The following DDR2 variants were observed in gnomAD, a reference collection of about 807,000 sequenced individuals.
DDR2 encodes the protein discoidin domain receptor tyrosine kinase 2.
A neutral mutation model predicts 94.9 loss-of-function variants in DDR2; 27 were observed. That is an observed-to-expected ratio of 0.28 (90% CI 0.21 to 0.39). DDR2 has a LOEUF of 0.39. Ranked by LOEUF, DDR2 falls within the 10% of genes least tolerant of loss-of-function variation. The probability of loss-of-function intolerance (pLI) is 1.00; values close to 1 mark genes in which losing one functional copy is unlikely to be tolerated. For synonymous variants in DDR2, 382 were observed against 377.2 expected, an observed-to-expected ratio of 1.01 and a Z score of -0.15; for missense variants, 783 against 1,076.0, an observed-to-expected ratio of 0.73 and a Z score of 3.81.
Position 162,759,815 on chromosome 1 carries a change from C to A in DDR2, c.691C>A (p.Gln231Lys), listed in dbSNP as rs760194869. 39 of 1,614,092 alleles carry A rather than the reference C, an allele frequency of 2.4e-5. No individual in the cohort carries two copies. The highest frequency in any genetic ancestry group is 3.2e-5 in the Non-Finnish European group (38 of 1,180,022). ...VGYSMTEGLG[Q>K]LTDGVSGLDD... ...GAGCAGCATGACAGAAGGGCTAGGCCAATTGACCGATGGTGTGTCTGGCCT... is the reference window on the plus strand; with the variant it reads ...GAGCAGCATGACAGAAGGGCTAGGCAAATTGACCGATGGTGTGTCTGGCCT... Residue 231 changes from glutamine (Q) to lysine (K), a missense_variant, in exon 8 of 18, where the codon CAA (glutamine) becomes AAA (lysine). Around this residue, in one of 2 missense-constraint regions of DDR2, gnomAD observed 519 missense variants for 647.9 expected, o/e 0.80. Transcript: ENST00000367921.
intron 2 of DDR2, among the ~76,000 whole-genome samples, chr1:162,674,720 A>G (rs879692786): frequency 2.0e-5 from 3 of 152,240 alleles, no homozygotes; most frequent in Non-Finnish European, 4.4e-5. Flanking sequence ...ACCTGCTAGT[A>G]TAAAGATCAA....
In DDR2 at chr1:162,786,896, G is replaced by A. The variant is rs918412953; in HGVS notation, c.*6650G>A. Reference sequence around the variant, plus strand: ...TAACTGGTGATCCCTTATCGTTATGGTTACAGACTTGTCTTGTTTGATACA... The same window carrying A: ...TAACTGGTGATCCCTTATCGTTATGATTACAGACTTGTCTTGTTTGATACA... On this transcript the variant is annotated 3_prime_UTR_variant, in exon 18 of 18. Coordinates refer to ENST00000367921, the MANE Select transcript of DDR2 (RefSeq NM_006182.4). The A allele has an allele frequency of 2.6e-5, 4 of 152,104 alleles. No homozygotes were observed. The highest frequency in any genetic ancestry group is 4.4e-5 in the Non-Finnish European group (3 of 68,018). The allele number at this position is 152,104 out of a possible 1,614,324, so 9.4% of individuals were successfully genotyped here. A position where few individuals can be genotyped will look rare whatever the true frequency, so the allele number is the denominator to read the frequency against.
At chr1:162,745,265 C>CGG (rs1662793904) in intron 3 of DDR2, among the ~76,000 whole-genome samples, 2 of 152,256 alleles carry the variant, frequency 1.3e-5, no homozygotes, top group South Asian at 4.1e-4. Flanking sequence ...CAAATATTTT[C>CGG]TCTCATTCCA....
chr1:162,734,493 A>G (rs1662203665), intron 3 of DDR2, among the ~76,000 whole-genome samples: 1 of 152,264 alleles, frequency 6.6e-6, no homozygotes, highest in Non-Finnish European at 1.5e-5. Context: ...ACAATTATTT[A>G]CATTACAAGT....
intron 2 of DDR2, among the ~76,000 whole-genome samples, chr1:162,701,790 G>A (rs1459132213): frequency 6.6e-6 from 1 of 152,178 alleles, no homozygotes; most frequent in Non-Finnish European, 1.5e-5. Context: ...ATGAAAATCT[G>A]CCTCTCTGTA....
chr1:162,738,989 T>C (rs1402010532), intron 3 of DDR2, among the ~76,000 whole-genome samples: 2 of 57,302 alleles, frequency 3.5e-5, no homozygotes, highest in Non-Finnish European at 7.8e-5. Context: ...ACGTTAGACC[T>C]AAAACCATAA....
At chr1:162,737,516 C>T (rs1198217677) in intron 3 of DDR2, among the ~76,000 whole-genome samples, 2 of 134,846 alleles carry the variant, frequency 1.5e-5, no homozygotes, top group Non-Finnish European at 3.2e-5. Context: ...GCATAGTATT[C>T]CATGGTGTAT....
Position 162,780,286 on chromosome 1 carries a change from T to G in DDR2, c.*40T>G, listed in dbSNP as rs1647826344. 6.2e-7 allele frequency: 1 copy of G among 1,613,196 alleles called. No individual in the cohort carries two copies. The highest frequency in any genetic ancestry group is 8.5e-7 in the Non-Finnish European group (1 of 1,179,662). On this transcript the variant is annotated 3_prime_UTR_variant, in exon 18 of 18. Transcript: ENST00000367921. ...GGCCATGTTCCTACGGCTCAGGTCC[T>G]CCCTACAAGACCTACCACTCACCCA...
At chr1:162,631,020 C>G (rs1351485384), upstream of DDR2, among the ~76,000 whole-genome samples, 2 of 152,006 alleles carry the variant, frequency 1.3e-5, no homozygotes, top group Non-Finnish European at 2.9e-5. Context: ...CCATGGCTGC[C>G]CTCTGAACCA....
rs1648189118 is a variant in DDR2 at position 162,787,331 on chromosome 1, G to A, written c.*7085G>A. 6.6e-6 allele frequency: 1 copy of A among 150,598 alleles called. No individual in the cohort carries two copies. Among genetic ancestry groups the A allele is most frequent in the Non-Finnish European group, 1.5e-5 (1 of 67,686 alleles). 9.3% of individuals were successfully genotyped at this position (150,598 alleles called of 1,614,324 possible). A position where few individuals can be genotyped will look rare whatever the true frequency, so the allele number is the denominator to read the frequency against. On this transcript the variant is annotated 3_prime_UTR_variant, in exon 18 of 18. Transcript: ENST00000367921. ...TCATCAATAAAAACATATTATGATG[G>A]TTATCAAGCTGTGTCCTATGAGTGA...
intron 2 of DDR2, among the ~76,000 whole-genome samples, chr1:162,709,431 C>T (rs1294709842): frequency 6.6e-6 from 1 of 152,230 alleles, no homozygotes; most frequent in South Asian, 2.1e-4. Context: ...TGCCTGTGAG[C>T]AGCTGCTGCC....
intron 3 of DDR2, among the ~76,000 whole-genome samples, chr1:162,747,736 AG>A (rs1438829369): frequency 1.3e-5 from 2 of 152,228 alleles, no homozygotes; most frequent in Non-Finnish European, 2.9e-5. Context: ...AAAAACGTTA[AG>A]GGTAGCCAGA....
At chr1:162,645,201 C>T (rs939868411) in intron 1 of DDR2, among the ~76,000 whole-genome samples, 2 of 152,198 alleles carry the variant, frequency 1.3e-5, no homozygotes, top group South Asian at 2.1e-4. Context: ...GAAGAGTAGA[C>T]AGCCCTGAAC....
At chr1:162,664,769 G>T (rs1658466111) in intron 2 of DDR2, among the ~76,000 whole-genome samples, 1 of 152,036 alleles carries the variant, frequency 6.6e-6, no homozygotes, top group African/African-American at 2.4e-5. Flanking sequence ...TTTTTCATCA[G>T]AAAAATAAAT....
intron 2 of DDR2, among the ~76,000 whole-genome samples, chr1:162,667,773 C>T (rs1391332091): frequency 1.3e-5 from 2 of 152,186 alleles, no homozygotes; most frequent in Non-Finnish European, 2.9e-5. Context: ...CCAACAATGA[C>T]ACTACCCCTC....
intron 2 of DDR2, among the ~76,000 whole-genome samples, chr1:162,710,029 G>A (rs1428824292): frequency 6.6e-6 from 1 of 152,206 alleles, no homozygotes; most frequent in Non-Finnish European, 1.5e-5. Context: ...GGTGAATGAA[G>A]TAATGCAGTC....
chr1:162,752,839 A>T (rs1663279365), intron 3 of DDR2, among the ~76,000 whole-genome samples: 1 of 152,076 alleles, frequency 6.6e-6, no homozygotes, highest in African/African-American at 2.4e-5. Flanking sequence ...ATTGTATTAC[A>T]TTGATTGTCA....
In DDR2 at chr1:162,767,429, G is replaced by C. The variant is rs1664052883; in HGVS notation, c.1293+70G>C. ...CTTTCTTAAGCCACTGTTGTCCCAG[G>C]AGTAAAAGGCAAATTGCAAACATTT... On this transcript the variant is annotated intron_variant, in intron 11 of 17. Transcript: ENST00000367921. 7 of 1,591,066 alleles carry C rather than the reference G, an allele frequency of 4.4e-6. No homozygotes were observed. In the South Asian group the frequency reaches 6.7e-5, roughly 15 times the overall value.
rs374354520 is a variant in DDR2 at position 162,753,186 on chromosome 1, C to G, written c.174C>G (p.Ala58=). 29 of 1,613,068 alleles carry G rather than the reference C, an allele frequency of 1.8e-5. No homozygotes were observed. The highest frequency in any genetic ancestry group is 2.4e-5 in the Non-Finnish European group (28 of 1,179,470). Residue 58 remains alanine, a synonymous_variant, in exon 4 of 18, where the codon GCC becomes GCG. Transcript: ENST00000367921. ...ASSQWSESTA[A]KYGRLDSEEG... is the part of the protein sequence containing the mutation. ...GTCAGTGGTCAGAGTCCACAGCTGC[C>G]AAATATGGAAGGTGAGGATGGTTAC...
Sources: gnomAD v4.1 joint callset for allele counts (sites outside exome capture counted in the v4.1 genomes callset) on GRCh38, gnomAD v4.1.1 for gene constraint, gnomAD v4.1.1 regional missense constraint, MANE v1.5 for transcripts, NCBI Gene and HGNC (gene_info 2026-07-23, HGNC 2026-07-21) for gene names.